Variants in TOM1L2 observed in about 807,000 individuals in gnomAD.
TOM1L2 encodes the protein TOM1-like protein 2.
In TOM1L2, 31 loss-of-function variants were observed where a neutral mutation model predicts 67.9. The observed-to-expected ratio is 0.46, with a 90% CI of 0.34 to 0.62. The LOEUF is 0.62. Among genes scored for constraint, TOM1L2 ranks in the 20% least tolerant of loss-of-function variants. The pLI is 0.01. For missense variants in TOM1L2, 606 were observed against 663.5 expected, an observed-to-expected ratio of 0.91 and a Z score of 0.95; for synonymous variants, 256 against 254.0, an observed-to-expected ratio of 1.01 and a Z score of -0.07.
intron 1 of TOM1L2, among the ~76,000 whole-genome samples, chr17:17,970,810 A>G (rs1280253282): frequency 6.6e-6 from 1 of 151,562 alleles, no homozygotes; most frequent in African/African-American, 2.4e-5. Context: ...GAAAATAAAC[A>G]AATCACTACT....
intron 3 of TOM1L2, among the ~76,000 whole-genome samples, chr17:17,895,065 T>C (rs2038496975): frequency 1.3e-5 from 2 of 152,164 alleles, no homozygotes; most frequent in South Asian, 2.1e-4. Flanking sequence ...GATTACGTGA[T>C]TACTGTTCAG....
chr17:17,890,097 GTCTTAAGTTT>G (rs1568178894), intron 4 of TOM1L2, among the ~76,000 whole-genome samples: 3 of 152,150 alleles, frequency 2.0e-5, no homozygotes, highest in Admixed American at 6.5e-5. Context: ...CTCTGGGGGA[GTCTTAAGTTT>G]TCTAAAGTAT....
chr17:17,871,966 C>T, intron 7 of TOM1L2: 1 of 985,470 alleles, frequency 1.0e-6, no homozygotes, highest in Non-Finnish European at 1.2e-6. Context: ...AATACCCACT[C>T]TCCTCTGTTG....
chr17:17,861,985 G>T, intron 11 of TOM1L2: 1 of 165,600 alleles, frequency 6.0e-6, no homozygotes, highest in East Asian at 1.8e-4. Flanking sequence ...GCCTGTCACT[G>T]ATTATGGGAG....
intron 7 of TOM1L2, among the ~76,000 whole-genome samples, chr17:17,873,125 T>C (rs1350434412): frequency 1.3e-5 from 2 of 152,194 alleles, no homozygotes; most frequent in Admixed American, 1.3e-4. Context: ...TGTCCCTTAT[T>C]TCCTTTTCCA....
chr17:17,855,011 C>T lies in TOM1L2; in HGVS notation c.1279-4059G>A, dbSNP rs578098456. 1.2e-4 allele frequency among the ~76,000 whole-genome samples: 18 copies of T among 152,340 alleles called. No individual in the cohort carries two copies. The South Asian group carries it at 1.9e-3, about 16-fold the overall frequency. On this transcript the variant is annotated intron_variant, in intron 12 of 14. Coordinates refer to ENST00000379504, the MANE Select transcript of TOM1L2 (RefSeq NM_001082968.2). ...CTCCAATAGAGACTGCTGCCTGAAG[C>T]TCAGCCCCTCTGAAGATAGGTAGGC... is the stretch of plus-strand genomic sequence containing the variant.
chr17:17,869,418 C>T lies in TOM1L2; in HGVS notation c.833G>A (p.Arg278His), dbSNP rs1303005080. The stretch of plus-strand genomic sequence containing the variant: ...CTCGGTGACCTCCTCATTGGACACG[C>T]GGGAGATGAGCTCCACGATGCGCTG... ...MQQRIVELIS[R>H]VSNEEVTEEL... The change falls in exon 8 of 15, where the codon CGC becomes CAC. Residue 278 changes from arginine (R) to histidine (H), a missense_variant. Coordinates refer to ENST00000379504, the MANE Select transcript of TOM1L2 (RefSeq NM_001082968.2). 5.6e-6 allele frequency: 9 copies of T among 1,613,522 alleles called. No homozygotes were observed. Among genetic ancestry groups the T allele is most frequent in the Middle Eastern group, 1.7e-4 (1 of 6,026 alleles).
intron 4 of TOM1L2, among the ~76,000 whole-genome samples, chr17:17,892,612 C>A (rs565207531): frequency 6.6e-6 from 1 of 151,970 alleles, no homozygotes; most frequent in East Asian, 1.9e-4. Context: ...CCTGCCTGCT[C>A]CCCCACCCCA....
At chr17:17,938,022 G>A (rs1243677819) in intron 1 of TOM1L2, among the ~76,000 whole-genome samples, 1 of 152,124 alleles carries the variant, frequency 6.6e-6, no homozygotes, top group South Asian at 2.1e-4. Flanking sequence ...TTTGCCATAC[G>A]GTGGCTCTGC....
At chr17:17,958,675 T>C (rs1327415787) in intron 1 of TOM1L2, among the ~76,000 whole-genome samples, 3 of 152,196 alleles carry the variant, frequency 2.0e-5, no homozygotes, top group Admixed American at 2.0e-4. Flanking sequence ...CCTACTGTGA[T>C]ACAGTAAGAA....
intron 1 of TOM1L2, among the ~76,000 whole-genome samples, chr17:17,920,112 A>C (rs775133629): frequency 2.0e-5 from 3 of 152,138 alleles, no homozygotes; most frequent in Non-Finnish European, 2.9e-5. Flanking sequence ...TTTTAGGTGA[A>C]GTCTAAAGAC....
chr17:17,886,928 G>C (rs1190747545), intron 4 of TOM1L2, among the ~76,000 whole-genome samples: 2 of 152,232 alleles, frequency 1.3e-5, no homozygotes, highest in Non-Finnish European at 2.9e-5. Flanking sequence ...TGTTCTCACT[G>C]GGTAGGCAGA....
intron 4 of TOM1L2, among the ~76,000 whole-genome samples, chr17:17,887,630 C>G (rs1037097488): frequency 6.6e-6 from 1 of 152,184 alleles, no homozygotes; most frequent in African/African-American, 2.4e-5. Flanking sequence ...CATGTGCCAC[C>G]ATACCTGGCT....
intron 12 of TOM1L2, chr17:17,858,622 C>A (rs967337791): frequency 6.6e-6 from 1 of 152,196 alleles, no homozygotes; most frequent in Non-Finnish European, 1.5e-5. Context: ...CTAGCTCTGT[C>A]GCCAGGCTGG....
At chr17:17,905,603 G>A (rs752719650) in intron 2 of TOM1L2, among the ~76,000 whole-genome samples, 4 of 152,062 alleles carry the variant, frequency 2.6e-5, no homozygotes, top group Admixed American at 6.6e-5. Flanking sequence ...CAGTGACACC[G>A]TCCTGGTTCA....
At chr17:17,874,801 T>C (rs1462272981) in intron 7 of TOM1L2, among the ~76,000 whole-genome samples, 2 of 152,194 alleles carry the variant, frequency 1.3e-5, no homozygotes, top group Non-Finnish European at 2.9e-5. Context: ...AGGGCCTCTA[T>C]GCTCCAATCC....
chr17:17,849,480 G>A (rs540327352), intron 13 of TOM1L2, among the ~76,000 whole-genome samples: 1 of 152,360 alleles, frequency 6.6e-6, no homozygotes, highest in African/African-American at 2.4e-5. Context: ...TCCTCCCGTG[G>A]CCCAGATTAT....
At chr17:17,893,298 G>A (rs764172507) in intron 4 of TOM1L2, among the ~76,000 whole-genome samples, 11 of 152,014 alleles carry the variant, frequency 7.2e-5, no homozygotes, top group South Asian at 2.1e-4. Context: ...ACCTTGCTCC[G>A]CCTGACCCAG....
intron 7 of TOM1L2, among the ~76,000 whole-genome samples, chr17:17,876,354 G>C (rs1338599067): frequency 1.3e-5 from 2 of 152,218 alleles, no homozygotes; most frequent in Non-Finnish European, 2.9e-5. Context: ...TCTGCTTCTT[G>C]TGAAGAACTG....
Sources: gnomAD v4.1 joint callset for allele counts (sites outside exome capture counted in the v4.1 genomes callset) on GRCh38, gnomAD v4.1.1 for gene constraint, MANE v1.5 for transcripts, NCBI Gene and HGNC (gene_info 2026-07-23, HGNC 2026-07-21) for gene names.